Variants in PRKG1 observed in about 807,000 individuals in gnomAD.
The protein encoded by PRKG1 is protein kinase cGMP-dependent 1.
PRKG1 carries 35 observed loss-of-function variants against 88.1 expected under a neutral mutation model. The ratio of observed to expected loss-of-function variants is 0.40; its 90% CI spans 0.30 to 0.53. The LOEUF is 0.53. Among genes scored for constraint, PRKG1 ranks in the 20% least tolerant of loss-of-function variants. The pLI is 0.59. For missense variants in PRKG1, 540 were observed against 839.8 expected, an observed-to-expected ratio of 0.64 and a Z score of 4.41; for synonymous variants, 303 against 292.5, an observed-to-expected ratio of 1.04 and a Z score of -0.37.
intron 5 of PRKG1, among the ~76,000 whole-genome samples, chr10:51,959,308 T>A (rs1589457259): frequency 6.6e-6 from 1 of 152,150 alleles, no homozygotes; most frequent in Non-Finnish European, 1.5e-5. Context: ...GAGAAAATAG[T>A]TGAGCTGTGC....
At chr10:51,790,821 A>T (rs923782059) in intron 3 of PRKG1, among the ~76,000 whole-genome samples, 3 of 152,174 alleles carry the variant, frequency 2.0e-5, no homozygotes, top group African/African-American at 7.2e-5. Flanking sequence ...TCCTCTCTGC[A>T]TTGATCCTTT....
At position 51,765,076 on chromosome 10, in the gene PRKG1, C is replaced by T. The variant is rs1838123608; in HGVS notation, c.593-39509C>T. 2.0e-5 allele frequency among the ~76,000 whole-genome samples: 3 copies of T among 152,178 alleles called. No individual in the cohort carries two copies. In the South Asian group the frequency reaches 6.2e-4, roughly 31 times the overall value. The stretch of plus-strand genomic sequence containing the variant: ...ATTTGGTTATAGCAGCTCACATGGA[C>T]TAAGACAGTGCTAGTGTGTATTAGG... On this transcript the variant is annotated intron_variant, in intron 3 of 17. Coordinates refer to ENST00000373980, the MANE Select transcript of PRKG1 (RefSeq NM_006258.4).
At chr10:51,539,848 GACAT>G in intron 3 of PRKG1, among the ~76,000 whole-genome samples, 2 of 152,168 alleles carry the variant, frequency 1.3e-5, no homozygotes, top group East Asian at 3.9e-4. Flanking sequence ...TTTCATTTCT[GACAT>G]GTTTACACAA....
At chr10:51,272,624 G>A (rs1051436146) in intron 2 of PRKG1, among the ~76,000 whole-genome samples, 2 of 152,118 alleles carry the variant, frequency 1.3e-5, no homozygotes, top group Non-Finnish European at 2.9e-5. Flanking sequence ...CAGGACAAAT[G>A]GTTGCATGCT....
intron 2 of PRKG1, among the ~76,000 whole-genome samples, chr10:51,271,814 T>A (rs1046989528): frequency 6.6e-6 from 1 of 152,204 alleles, no homozygotes; most frequent in African/African-American, 2.4e-5. Context: ...ATCCAGTCTA[T>A]CACTGATGGG....
rs1331399843 is a variant in PRKG1 at position 52,293,657 on chromosome 10, C to T, written c.1963-145C>T. 2.1e-5 allele frequency: 13 copies of T among 633,494 alleles called. No individual in the cohort carries two copies. In the Admixed American group the frequency reaches 2.2e-4, roughly 11 times the overall value. The allele number at this position is 633,494 out of a possible 1,614,324, so 39.2% of individuals were successfully genotyped here. ...AAGAACCATGTCTGCTTGTACTTAC[C>T]ACTGTGACCCTCAATACCTGCTACA... On this transcript the variant is annotated intron_variant, in intron 17 of 17. Coordinates refer to ENST00000373980, the MANE Select transcript of PRKG1 (RefSeq NM_006258.4).
chr10:51,212,532 C>A (rs1374212615), intron 2 of PRKG1, among the ~76,000 whole-genome samples: 1 of 152,210 alleles, frequency 6.6e-6, no homozygotes, highest in Non-Finnish European at 1.5e-5. Context: ...AACAGGCAAC[C>A]TAGAGAATGG....
chr10:51,213,504 A>T (rs1361716861), intron 2 of PRKG1, among the ~76,000 whole-genome samples: 1 of 152,214 alleles, frequency 6.6e-6, no homozygotes, highest in African/African-American at 2.4e-5. Context: ...TCTTTCTAGC[A>T]GTGAGATTTT....
chr10:51,480,469 C>T (rs1163036685), intron 3 of PRKG1, among the ~76,000 whole-genome samples: 1 of 151,952 alleles, frequency 6.6e-6, no homozygotes, highest in Non-Finnish European at 1.5e-5. Context: ...TTGGACCTTA[C>T]TGTGTTCTCC....
chr10:51,075,048 C>A (rs1352150564), intron 1 of PRKG1, 147 bp downstream of exon 1: 3 of 1,205,786 alleles, frequency 2.5e-6, no homozygotes, highest in East Asian at 2.6e-5. Context: ...GCACTTCTTG[C>A]GGGGCTGTGC....
At chr10:51,709,193 G>A (rs1213992809) in intron 3 of PRKG1, among the ~76,000 whole-genome samples, 1 of 152,188 alleles carries the variant, frequency 6.6e-6, no homozygotes, top group African/African-American at 2.4e-5. Flanking sequence ...AACAGTAGAG[G>A]AATGTTTAGC....
intron 3 of PRKG1, among the ~76,000 whole-genome samples, chr10:51,563,335 G>C (rs1302698416): frequency 6.6e-6 from 1 of 152,190 alleles, no homozygotes; most frequent in East Asian, 1.9e-4. Context: ...ATAAATGTTT[G>C]AGATATTGAA....
At position 52,089,804 on chromosome 10, in the gene PRKG1, C is replaced by CTTTTTTTTTTTTTTTTT. The variant is rs397846439; in HGVS notation, c.935+27181_935+27197dup. Among the ~76,000 whole-genome samples the CTTTTTTTTTTTTTTTTT allele has an allele frequency of 3.0e-3, 203 of 67,728 alleles. 27 individuals are homozygous for CTTTTTTTTTTTTTTTTT. The highest frequency in any genetic ancestry group is 8.6e-3 in the African/African-American group (128 of 14,862). The allele number at this position is 67,728 out of a possible 152,430, so 44.4% of individuals were successfully genotyped here. On this transcript the variant is annotated intron_variant, in intron 7 of 17. Coordinates refer to ENST00000373980, the MANE Select transcript of PRKG1 (RefSeq NM_006258.4). ...GGCTTAGATTATTGTTTCTTTCCTTCTTTTTTTTTTTTTTTTTTTTTTTTG... is the reference window on the plus strand; with the variant it reads ...GGCTTAGATTATTGTTTCTTTCCTTCTTTTTTTTTTTTTTTTTTTTTTTTTTTTTTTTTTTTTTTTTG...
At chr10:51,476,601 TTTG>T (rs66840703) in intron 3 of PRKG1, among the ~76,000 whole-genome samples, 62,745 of 151,172 alleles carry the variant, frequency 0.42, 13,471 homozygotes, top group Admixed American at 0.48. Context: ...AAGTGGATTA[TTTG>T]TTGTTGTTGT....
At chr10:52,093,618 C>T (rs763257498) in intron 7 of PRKG1, among the ~76,000 whole-genome samples, 20 of 152,244 alleles carry the variant, frequency 1.3e-4, no homozygotes, top group Non-Finnish European at 2.6e-4. Context: ...TAAAGTAAAA[C>T]ATATTAATGC....
At chr10:51,621,110 A>G (rs755962977) in intron 3 of PRKG1, among the ~76,000 whole-genome samples, 51 of 149,164 alleles carry the variant, frequency 3.4e-4, no homozygotes, top group Admixed American at 1.2e-3. Flanking sequence ...GTGTGTGTGT[A>G]TATATATGCT....
chr10:51,725,651 G>A (rs1196885263), intron 3 of PRKG1, among the ~76,000 whole-genome samples: 1 of 150,918 alleles, frequency 6.6e-6, no homozygotes, highest in African/African-American at 2.4e-5. Flanking sequence ...GTGGGGGTCG[G>A]GGACAGGGTT....
At chr10:51,957,080 C>G (rs1408505496) in intron 5 of PRKG1, among the ~76,000 whole-genome samples, 7 of 142,918 alleles carry the variant, frequency 4.9e-5, no homozygotes, top group Admixed American at 2.2e-4. Flanking sequence ...CTCTCTCTTT[C>G]TCTCCTTCTG....
intron 3 of PRKG1, among the ~76,000 whole-genome samples, chr10:51,481,152 A>C (rs1840343853): frequency 6.6e-6 from 1 of 152,078 alleles, no homozygotes. Context: ...TTTCTTTAGC[A>C]TGAGGCTATT....
Sources: gnomAD v4.1 joint callset for allele counts (sites outside exome capture counted in the v4.1 genomes callset) on GRCh38, gnomAD v4.1.1 for gene constraint, MANE v1.5 for transcripts, NCBI Gene and HGNC (gene_info 2026-07-23, HGNC 2026-07-21) for gene names.